CCDC69: variants seen among roughly 807,000 people sequenced by gnomAD.
The protein encoded by CCDC69 is coiled-coil domain containing 69, also known as coiled-coil domain-containing protein 69.
In CCDC69, 38 loss-of-function variants were observed where a neutral mutation model predicts 40.3. That is an observed-to-expected ratio of 0.94 (90% CI 0.73 to 1.24). CCDC69 has a LOEUF of 1.24. Among genes scored for constraint, CCDC69 ranks in the 50% most tolerant of loss-of-function variants. The probability of loss-of-function intolerance (pLI) is 0.00; values close to 1 mark genes in which losing one functional copy is unlikely to be tolerated. For missense variants in CCDC69, 389 were observed against 357.9 expected, an observed-to-expected ratio of 1.09 and a Z score of -0.70; for synonymous variants, 141 against 138.9, an observed-to-expected ratio of 1.02 and a Z score of -0.11.
chr5:151,213,492 T>A (rs149201886), intron 1 of CCDC69, among the ~76,000 whole-genome samples: 1 of 151,914 alleles, frequency 6.6e-6, no homozygotes, highest in African/African-American at 2.4e-5. Context: ...GACCTAGTGA[T>A]CCACCCGCCT....
At position 151,183,075 on chromosome 5, in the gene CCDC69, C is replaced by A. The variant is rs755206084; in HGVS notation, c.*362G>T. ...GTCAGCAAGTCGGCAGCAGAGCTGA[C>A]AAGCTGGGACCAGGGGCTGTCTCCT... is the stretch of plus-strand genomic sequence containing the variant. On this transcript the variant is annotated 3_prime_UTR_variant, in exon 9 of 9. Transcript: ENST00000355417. The A allele has an allele frequency of 3.3e-5, 16 of 480,338 alleles. No individual in the cohort carries two copies. In the East Asian group the frequency reaches 9.4e-4, roughly 28 times the overall value. 29.8% of individuals were successfully genotyped at this position (480,338 alleles called of 1,614,324 possible). A position where few individuals can be genotyped will look rare whatever the true frequency, so the allele number is the denominator to read the frequency against.
intron 4 of CCDC69, among the ~76,000 whole-genome samples, chr5:151,191,533 G>A (rs1021743905): frequency 1.3e-5 from 2 of 152,146 alleles, no homozygotes; most frequent in Admixed American, 1.3e-4. Context: ...TGACTGTAAT[G>A]CAATCAAACT....
intron 4 of CCDC69, 102 bp from the exon 5 acceptor site, chr5:151,187,561 A>C: frequency 1.1e-6 from 1 of 910,542 alleles, no homozygotes; most frequent in Non-Finnish European, 1.8e-6. Flanking sequence ...ACTGGGGCCC[A>C]TAGAGGCCAG....
chr5:151,209,781 T>A (rs1308834777), intron 1 of CCDC69, among the ~76,000 whole-genome samples: 1 of 152,212 alleles, frequency 6.6e-6, no homozygotes, highest in Non-Finnish European at 1.5e-5. Context: ...AATTTTGCCA[T>A]GCTGCTCAGG....
At position 151,183,436 on chromosome 5, in the gene CCDC69, C is replaced by A. The variant is rs141429436; in HGVS notation, c.*1G>T. On this transcript the variant is annotated 3_prime_UTR_variant, in exon 9 of 9. Transcript: ENST00000355417. ...GTCGTGGTGGGCCCAGGCCCTGCAC[C>A]CTATGTGGCGAGGAAAGAGACCTCA... is the stretch of plus-strand genomic sequence containing the variant. The A allele has an allele frequency of 6.9e-6, 11 of 1,599,718 alleles. No individual in the cohort carries two copies. The East Asian group carries it at 2.5e-4, about 36-fold the overall frequency.
At chr5:151,193,438 C>T (rs1582041506) in intron 4 of CCDC69, among the ~76,000 whole-genome samples, 3 of 151,712 alleles carry the variant, frequency 2.0e-5, no homozygotes, top group African/African-American at 4.8e-5. Context: ...ATCACCTGAG[C>T]CCCAGAGGTG....
At chr5:151,187,937 G>A (rs989785549) in intron 4 of CCDC69, among the ~76,000 whole-genome samples, 3 of 152,136 alleles carry the variant, frequency 2.0e-5, no homozygotes, top group African/African-American at 7.2e-5. Context: ...CTGCCTTTCC[G>A]AAACTGAGAG....
At chr5:151,209,003 C>T (rs1248981279) in intron 1 of CCDC69, among the ~76,000 whole-genome samples, 1 of 152,226 alleles carries the variant, frequency 6.6e-6, no homozygotes, top group Non-Finnish European at 1.5e-5. Flanking sequence ...AGACTTAAGA[C>T]ACTGTCACAC....
chr5:151,204,102 T>A (rs1021959651), intron 2 of CCDC69, among the ~76,000 whole-genome samples: 25 of 152,012 alleles, frequency 1.6e-4, no homozygotes, highest in Non-Finnish European at 2.9e-4. Flanking sequence ...TGATCACAGC[T>A]CACCACAGCC....
At chr5:151,185,630 G>C (rs3822697) in intron 6 of CCDC69, 89 bp from the exon 7 acceptor site, 2 of 1,356,018 alleles carry the variant, frequency 1.5e-6, no homozygotes, top group Admixed American at 3.8e-5. Context: ...ACTTTCACAA[G>C]TCACCCACCT....
At chr5:151,191,580 C>T (rs866591899) in intron 4 of CCDC69, among the ~76,000 whole-genome samples, 35 of 152,122 alleles carry the variant, frequency 2.3e-4, no homozygotes, top group African/African-American at 8.0e-4. Flanking sequence ...AGAAAATCTC[C>T]CAACACTTGG....
chr5:151,194,827 G>A (rs1752673533), intron 4 of CCDC69, among the ~76,000 whole-genome samples: 1 of 149,332 alleles, frequency 6.7e-6, no homozygotes, highest in Admixed American at 6.7e-5. Context: ...GGGAGGCGGA[G>A]GTTGCAGTGA....
chr5:151,205,614 G>A (rs1353789821), intron 1 of CCDC69, 139 bp from the exon 2 acceptor site: 1 of 704,402 alleles, frequency 1.4e-6, no homozygotes, highest in Admixed American at 2.9e-5. Context: ...CTGCGCATTG[G>A]GCTGCCTCGC....
Position 151,201,762 on chromosome 5 carries a change from G to C in CCDC69, c.125-74C>G, listed in dbSNP as rs192653196. The C allele has an allele frequency of 8.7e-5, 83 of 954,968 alleles. No homozygotes were observed. The African/African-American group carries it at 1.1e-3, about 12-fold the overall frequency. The allele number at this position is 954,968 out of a possible 1,614,324, so 59.2% of individuals were successfully genotyped here. On this transcript the variant is annotated intron_variant, in intron 2 of 8. Coordinates refer to ENST00000355417, the MANE Select transcript of CCDC69 (RefSeq NM_015621.3). ...GAAGTACAGTCAGAGCTGGCAGAGA[G>C]AGTGTGGGAAATGGGGCTAAGGGAT...
At chr5:151,199,546 C>G (rs754820238) in intron 3 of CCDC69, among the ~76,000 whole-genome samples, 30 of 152,088 alleles carry the variant, frequency 2.0e-4, no homozygotes, top group Non-Finnish European at 4.3e-4. Flanking sequence ...CTTCCCCAGG[C>G]TGAACCCTCC....
Position 151,185,412 on chromosome 5 carries a change from A to C in CCDC69, c.615+10T>G, listed in dbSNP as rs2288818. On this transcript the variant is annotated intron_variant, in intron 7 of 8. Coordinates refer to ENST00000355417, the MANE Select transcript of CCDC69 (RefSeq NM_015621.3). ...GAGGCTGCATCCCCCAGCCACTCCC[A>C]GTCACAGACCACTGTTTCCATGAGG... 125,928 of 1,613,366 alleles carry C rather than the reference A, an allele frequency of 0.078. 5,484 individuals carry two copies. Among genetic ancestry groups the C allele is most frequent in the South Asian group, 0.13 (11,732 of 91,044 alleles).
chr5:151,212,925 G>A (rs1389179707), intron 1 of CCDC69: 2 of 455,788 alleles, frequency 4.4e-6, no homozygotes, highest in African/African-American at 2.0e-5. Flanking sequence ...GAATCGTGGT[G>A]GAAGTGAGCG....
At position 151,205,573 on chromosome 5, in the gene CCDC69, A is replaced by G; in HGVS notation, c.49-98T>C. 2 of 957,930 alleles carry G rather than the reference A, an allele frequency of 2.1e-6. 1 individual carries two copies. The allele number at this position is 957,930 out of a possible 1,614,324, so 59.3% of individuals were successfully genotyped here. On this transcript the variant is annotated intron_variant, in intron 1 of 8. Coordinates refer to ENST00000355417, the MANE Select transcript of CCDC69 (RefSeq NM_015621.3). ...GGGACTCTTCCAAAGGCAAGGCAGG[A>G]CCTTCAGTTACACCAGACCCTGCCC...
At chr5:151,218,181 T>G (rs1753076890) in intron 1 of CCDC69, among the ~76,000 whole-genome samples, 1 of 152,246 alleles carries the variant, frequency 6.6e-6, no homozygotes. Context: ...AAGATTCACC[T>G]TGCAAGACAA....
Sources: gnomAD v4.1 joint callset for allele counts (sites outside exome capture counted in the v4.1 genomes callset) on GRCh38, gnomAD v4.1.1 for gene constraint, MANE v1.5 for transcripts, NCBI Gene and HGNC (gene_info 2026-07-23, HGNC 2026-07-21) for gene names.